Variants in RGS10 observed in about 807,000 individuals in gnomAD.
The protein encoded by RGS10 is regulator of G protein signaling 10.
In RGS10, 11 loss-of-function variants were observed where a neutral mutation model predicts 23.5. The observed-to-expected ratio is 0.47, with a 90% CI of 0.29 to 0.77. RGS10 has a LOEUF of 0.77. Ranked by LOEUF, RGS10 falls within the 30% of genes least tolerant of loss-of-function variation. RGS10 has a pLI of 0.08. For missense variants in RGS10, 180 were observed against 226.3 expected, an observed-to-expected ratio of 0.80 and a Z score of 1.31; for synonymous variants, 77 against 83.2, an observed-to-expected ratio of 0.92 and a Z score of 0.41.
chr10:119,507,444 G>A (rs910023642), intron 4 of RGS10, among the ~76,000 whole-genome samples: 2 of 152,068 alleles, frequency 1.3e-5, no homozygotes, highest in Non-Finnish European at 2.9e-5. Context: ...TCTTACTTAC[G>A]TTGAAAAAGG....
chr10:119,503,734 G>A (rs1377667974), intron 4 of RGS10, among the ~76,000 whole-genome samples: 2 of 152,190 alleles, frequency 1.3e-5, no homozygotes, highest in African/African-American at 4.8e-5. Flanking sequence ...TGAGGCCGCT[G>A]TCCTCGGCTC....
intron 1 of RGS10, among the ~76,000 whole-genome samples, chr10:119,528,681 A>C (rs1488426780): frequency 6.6e-6 from 1 of 151,954 alleles, no homozygotes; most frequent in African/African-American, 2.4e-5. Flanking sequence ...TAAAAATATA[A>C]AAATTAGTTG....
intron 4 of RGS10, among the ~76,000 whole-genome samples, chr10:119,505,965 A>G (rs1436683013): frequency 6.6e-6 from 1 of 152,218 alleles, no homozygotes; most frequent in East Asian, 1.9e-4. Flanking sequence ...ATCTGCTTTA[A>G]GAACTTGGTT....
At chr10:119,529,127 T>C (rs117389209) in intron 1 of RGS10, among the ~76,000 whole-genome samples, 2 of 152,194 alleles carry the variant, frequency 1.3e-5, no homozygotes, top group Non-Finnish European at 2.9e-5. Context: ...GGAAGAACCA[T>C]GGAATGTCAC....
intron 1 of RGS10, among the ~76,000 whole-genome samples, chr10:119,540,915 C>T (rs895248096): frequency 6.6e-6 from 1 of 152,204 alleles, no homozygotes; most frequent in Non-Finnish European, 1.5e-5. Context: ...ACCCACTTTG[C>T]AGGTGGAGAA....
intron 3 of RGS10, among the ~76,000 whole-genome samples, chr10:119,515,899 C>G (rs1844137329): frequency 6.6e-6 from 1 of 152,206 alleles, no homozygotes; most frequent in African/African-American, 2.4e-5. Flanking sequence ...GCTGCATTAA[C>G]CATTCAGAAG....
Position 119,527,272 on chromosome 10 carries a change from GCAT to G in RGS10, c.168+31_168+33del. On this transcript the variant is annotated intron_variant, in intron 2 of 4. Transcript: ENST00000369103. The surrounding 1 kb of genome is among the most constrained non-coding windows in gnomAD (Gnocchi z 4.2). ...GTGCATCTGAACTTCTGCACACACTGCATCCATCCCGATTAACAATGAAAAAGA... is the reference window on the plus strand; with the variant it reads ...GTGCATCTGAACTTCTGCACACACTGCCATCCCGATTAACAATGAAAAAGA... 6.7e-7 allele frequency: 1 copy of G among 1,486,166 alleles called. No homozygotes were observed. The highest frequency in any genetic ancestry group is 9.4e-7 in the Non-Finnish European group (1 of 1,066,112). The allele number at this position is 1,486,166 out of a possible 1,614,324, so 92.1% of individuals were successfully genotyped here.
At chr10:119,505,415 T>C (rs4751734) in intron 4 of RGS10, among the ~76,000 whole-genome samples, 121,763 of 149,566 alleles carry the variant, frequency 0.81, 50,326 homozygotes, top group Non-Finnish European at 0.89. Flanking sequence ...GCTGCACGCC[T>C]GGACTGTAAA....
At position 119,527,029 on chromosome 10, in the gene RGS10, A is replaced by G. The variant is rs1768326321; in HGVS notation, c.168+277T>C. Among the ~76,000 whole-genome samples the G allele has an allele frequency of 6.6e-6, 1 of 152,032 alleles. No homozygotes were observed. Among genetic ancestry groups the G allele is most frequent in the Non-Finnish European group, 1.5e-5 (1 of 67,980 alleles). ...AATTCCTCATACAGACTCCACCAAT[A>G]GGCACGGTATCTTCTCTCTCCTCCC... On this transcript the variant is annotated intron_variant, in intron 2 of 4. Coordinates refer to ENST00000369103, the MANE Select transcript of RGS10 (RefSeq NM_001005339.2). The surrounding 1 kb of genome is among the most constrained non-coding windows in gnomAD (Gnocchi z 4.2).
chr10:119,514,752 G>A (rs1265657696), intron 4 of RGS10, among the ~76,000 whole-genome samples: 2 of 152,052 alleles, frequency 1.3e-5, no homozygotes, highest in Admixed American at 6.6e-5. Context: ...ACAGAGGTCA[G>A]TACAGGTTCG....
rs1327239138 is a variant in RGS10 at position 119,501,928 on chromosome 10, A to G, written c.400-1669T>C. ...TATAAACAGAGTCCACAACCCAGAG[A>G]AAGACCTGGGACTTTAGGTTTTCTT... is the stretch of plus-strand genomic sequence containing the variant. On this transcript the variant is annotated intron_variant, in intron 4 of 4. Transcript: ENST00000369103. Among the ~76,000 whole-genome samples, 36 of 151,976 alleles carry G rather than the reference A, an allele frequency of 2.4e-4. 1 individual carries two copies. The highest frequency in any genetic ancestry group is 2.4e-3 in the Admixed American group (36 of 15,226).
intron 4 of RGS10, among the ~76,000 whole-genome samples, chr10:119,513,779 G>A (rs1421833658): frequency 6.6e-6 from 1 of 152,130 alleles, no homozygotes; most frequent in Non-Finnish European, 1.5e-5. Flanking sequence ...TGCTCCAGGG[G>A]CCTCACCGAG....
chr10:119,518,452 C>T lies in RGS10; in HGVS notation c.256-2800G>A, dbSNP rs139833840. Among the ~76,000 whole-genome samples the T allele has an allele frequency of 4.9e-3, 745 of 152,356 alleles. 5 individuals carry two copies. The highest frequency in any genetic ancestry group is 7.4e-3 in the Admixed American group (114 of 15,304). On this transcript the variant is annotated intron_variant, in intron 3 of 4. Transcript: ENST00000369103. ...GCAGTGGCTCAACTGTGACAATGCTCAGCCAGACGTCAGCTCTCGAACCCG... is the reference window on the plus strand; with the variant it reads ...GCAGTGGCTCAACTGTGACAATGCTTAGCCAGACGTCAGCTCTCGAACCCG...
At chr10:119,514,218 G>A (rs950459374) in intron 4 of RGS10, among the ~76,000 whole-genome samples, 11 of 152,056 alleles carry the variant, frequency 7.2e-5, no homozygotes, top group African/African-American at 2.4e-4. Context: ...TTAGCCGGGC[G>A]TGGTGGTGTA....
In RGS10 at chr10:119,527,274, A is replaced by T. The variant is rs758789489; in HGVS notation, c.168+32T>A. The stretch of plus-strand genomic sequence containing the variant: ...GCATCTGAACTTCTGCACACACTGC[A>T]TCCATCCCGATTAACAATGAAAAAG... On this transcript the variant is annotated intron_variant, in intron 2 of 4. Coordinates refer to ENST00000369103, the MANE Select transcript of RGS10 (RefSeq NM_001005339.2). The surrounding 1 kb of genome is among the most constrained non-coding windows in gnomAD (Gnocchi z 4.2). The T allele has an allele frequency of 6.6e-7, 1 of 1,504,806 alleles. No individual in the cohort carries two copies. The highest frequency in any genetic ancestry group is 2.3e-5 in the East Asian group (1 of 44,246). The allele number at this position is 1,504,806 out of a possible 1,614,324, so 93.2% of individuals were successfully genotyped here.
chr10:119,511,926 A>G (rs1338407331), intron 4 of RGS10, among the ~76,000 whole-genome samples: 1 of 152,194 alleles, frequency 6.6e-6, no homozygotes, highest in Non-Finnish European at 1.5e-5. Context: ...CTATGAATGG[A>G]AAAACCTGTT....
chr10:119,500,179 T>C lies in RGS10; in HGVS notation c.480A>G (p.Glu160=). 1 of 1,614,154 alleles carries C rather than the reference T, an allele frequency of 6.2e-7. No homozygotes were observed. Among genetic ancestry groups the C allele is most frequent in the Non-Finnish European group, 8.5e-7 (1 of 1,180,028 alleles). ...DLFLKHKRTE[E]EEEDLPDAQT... ...GAGCATCAGGCAAATCTTCTTCCTC[T>C]TCCTCGGTTCGCTTGTGTTTTAAAA... is the stretch of plus-strand genomic sequence containing the variant. The change falls in exon 5 of 5, where the codon GAA becomes GAG. Residue 160 remains glutamate (E), a synonymous_variant. Transcript: ENST00000369103.
chr10:119,515,520 G>C lies in RGS10; in HGVS notation c.388C>G (p.Leu130Val). Residue 130 changes from leucine (L) to valine (V), a missense_variant, in exon 4 of 5, where the codon CTC (leucine) becomes GTC (valine). Physicochemically the swap from Leu to Val is conservative, Grantham distance 32. Coordinates refer to ENST00000369103, the MANE Select transcript of RGS10 (RefSeq NM_001005339.2). ...EEPHPLMFQK[L>V]QDQIFNLMKY... is the part of the protein sequence containing the mutation. ...GGAAGTCGGGTTACCTGGTCCTGGA[G>C]TTTCTGGAACATCAGAGGGTGCGGT... The C allele has an allele frequency of 6.2e-7, 1 of 1,614,190 alleles. No individual in the cohort carries two copies. The highest frequency in any genetic ancestry group is 8.5e-7 in the Non-Finnish European group (1 of 1,180,040).
At chr10:119,516,725 A>G (rs1200839224) in intron 3 of RGS10, among the ~76,000 whole-genome samples, 2 of 152,214 alleles carry the variant, frequency 1.3e-5, no homozygotes, top group Non-Finnish European at 2.9e-5. Flanking sequence ...AGGCTGGCTC[A>G]GGAGCACTCA....
Sources: gnomAD v4.1 joint callset for allele counts (sites outside exome capture counted in the v4.1 genomes callset) on GRCh38, gnomAD v4.1.1 for gene constraint, Gnocchi (gnomAD v3.1) non-coding constraint, MANE v1.5 for transcripts, NCBI Gene and HGNC (gene_info 2026-07-23, HGNC 2026-07-21) for gene names.